Variants in CPEB3 observed in about 807,000 individuals in gnomAD.
The protein encoded by CPEB3 is cytoplasmic polyadenylation element binding protein 3, also known as cytoplasmic polyadenylation element-binding protein 3.
A neutral mutation model predicts 67.2 loss-of-function variants in CPEB3; 20 were observed. The ratio of observed to expected loss-of-function variants is 0.30; its 90% CI spans 0.21 to 0.43. The LOEUF is 0.43. Ranked by LOEUF, CPEB3 falls within the 20% of genes least tolerant of loss-of-function variation. CPEB3 has a pLI of 1.00. For missense variants in CPEB3, 746 were observed against 968.6 expected (o/e 0.77, Z 3.05); for synonymous variants, 376 against 393.1 (o/e 0.96, Z 0.51).
In CPEB3 at chr10:92,119,185, C is replaced by T. The variant is rs1406882771; in HGVS notation, c.1454-7991G>A. On this transcript the variant is annotated intron_variant, in intron 6 of 9. Coordinates refer to ENST00000265997, the MANE Select transcript of CPEB3 (RefSeq NM_014912.5). ...TATGAAGAACGGAGGTTCCCAGCAT[C>T]ATATTCCTACACATTATTACATTCA... is the stretch of plus-strand genomic sequence containing the variant. 7 of 1,582,320 alleles carry T rather than the reference C, an allele frequency of 4.4e-6. No individual in the cohort carries two copies. The African/African-American group carries it at 8.1e-5, about 18-fold the overall frequency.
intron 1 of CPEB3, among the ~76,000 whole-genome samples, chr10:92,290,044 A>G (rs907249631): frequency 4.6e-5 from 7 of 151,646 alleles, no homozygotes; most frequent in African/African-American, 1.7e-4. Flanking sequence ...ACTCTAGTTC[A>G]AATATACTTC....
intron 1 of CPEB3, among the ~76,000 whole-genome samples, chr10:92,284,735 G>A (rs184415264): frequency 6.6e-6 from 1 of 152,132 alleles, no homozygotes; most frequent in Non-Finnish European, 1.5e-5. Context: ...TTATTTATGT[G>A]ATAATCCTTC....
chr10:92,102,874 G>T (rs1431592107), intron 7 of CPEB3, among the ~76,000 whole-genome samples: 1 of 152,094 alleles, frequency 6.6e-6, no homozygotes, highest in Non-Finnish European at 1.5e-5. Flanking sequence ...GAGCATCTGT[G>T]GCTCCTTAGG....
At chr10:92,072,280 T>A (rs774725146) in intron 9 of CPEB3, among the ~76,000 whole-genome samples, 24 of 152,208 alleles carry the variant, frequency 1.6e-4, no homozygotes, top group Non-Finnish European at 3.2e-4. Flanking sequence ...TATGTTAACC[T>A]TTTTTAAAGT....
chr10:92,250,711 A>C (rs1390501895), intron 1 of CPEB3, among the ~76,000 whole-genome samples: 2 of 151,786 alleles, frequency 1.3e-5, no homozygotes, highest in East Asian at 3.9e-4. Flanking sequence ...TTGTTTTGAG[A>C]CAGAGTCTCA....
chr10:92,238,631 A>AC (rs1012091143), intron 2 of CPEB3, among the ~76,000 whole-genome samples: 1 of 152,098 alleles, frequency 6.6e-6, no homozygotes, highest in African/African-American at 2.4e-5. Flanking sequence ...CCTCCGAAAA[A>AC]AAAAAAAAAA....
chr10:92,215,692 C>G (rs999167433), intron 2 of CPEB3, among the ~76,000 whole-genome samples: 14 of 150,016 alleles, frequency 9.3e-5, no homozygotes, highest in Non-Finnish European at 1.8e-4. Context: ...CTGTCTGCCT[C>G]GGTCTCCCAA....
chr10:92,144,078 T>C (rs530249647), intron 5 of CPEB3, among the ~76,000 whole-genome samples: 1 of 151,948 alleles, frequency 6.6e-6, no homozygotes, highest in African/African-American at 2.4e-5. Flanking sequence ...TTTGTCACAA[T>C]TTTATTTCAT....
At chr10:92,198,628 C>G (rs1390119791) in intron 2 of CPEB3, among the ~76,000 whole-genome samples, 1 of 152,188 alleles carries the variant, frequency 6.6e-6, no homozygotes, top group African/African-American at 2.4e-5. Flanking sequence ...GCTCTGGAAC[C>G]AAATGATAAA....
chr10:92,275,840 C>CTTTTTTTTTTTTTTTTTTT (rs982965337), intron 1 of CPEB3, among the ~76,000 whole-genome samples: 1 of 130,710 alleles, frequency 7.7e-6, no homozygotes, highest in Non-Finnish European at 1.7e-5. Context: ...GTACTTCATT[C>CTTTTTTTTTTTTTTTTTTT]TTTTCTTTTT....
At chr10:92,290,255 C>G (rs1000809144) in intron 1 of CPEB3, among the ~76,000 whole-genome samples, 3 of 152,120 alleles carry the variant, frequency 2.0e-5, no homozygotes, top group Non-Finnish European at 1.5e-5. Context: ...TTCGTTTGAG[C>G]CGACAGCTCT....
At chr10:92,247,429 C>T (rs1159446311) in intron 1 of CPEB3, among the ~76,000 whole-genome samples, 1 of 151,806 alleles carries the variant, frequency 6.6e-6, no homozygotes, top group Non-Finnish European at 1.5e-5. Flanking sequence ...TGGAGTTTCA[C>T]TCTTGTTGCC....
chr10:92,185,538 T>A (rs527994988), intron 3 of CPEB3, among the ~76,000 whole-genome samples: 18 of 152,354 alleles, frequency 1.2e-4, no homozygotes, highest in African/African-American at 4.3e-4. Flanking sequence ...CTCATGCTTT[T>A]ATGAGTTCAA....
chr10:92,098,770 C>CTTTTTTTTTTTTTTTTTTT (rs984013045), intron 7 of CPEB3, among the ~76,000 whole-genome samples: 1 of 124,554 alleles, frequency 8.0e-6, no homozygotes, highest in Non-Finnish European at 1.7e-5. Flanking sequence ...TTCTTTTTTT[C>CTTTTTTTTTTTTTTTTTTT]TTTTTTTTTT....
rs1326151868 is a variant in CPEB3 at position 92,050,127 on chromosome 10, A to G, written c.*2085T>C. 1 of 152,472 alleles carries G rather than the reference A, an allele frequency of 6.6e-6. No homozygotes were observed. The highest frequency in any genetic ancestry group is 1.5e-5 in the Non-Finnish European group (1 of 68,022). 9.4% of individuals were successfully genotyped at this position (152,472 alleles called of 1,614,324 possible). A position where few individuals can be genotyped will look rare whatever the true frequency, so the allele number is the denominator to read the frequency against. On this transcript the variant is annotated 3_prime_UTR_variant, in exon 10 of 10. Coordinates refer to ENST00000265997, the MANE Select transcript of CPEB3 (RefSeq NM_014912.5). ...TCTAGAATACAAAAAGTAGTAGTGC[A>G]TAACAAAATTTCTTGTACAGATGAA...
At chr10:92,160,834 GGCA>G (rs1160262406) in intron 4 of CPEB3, among the ~76,000 whole-genome samples, 1 of 152,140 alleles carries the variant, frequency 6.6e-6, no homozygotes, top group Non-Finnish European at 1.5e-5. Context: ...AGGGGTGGAG[GGCA>G]GCATGTTGAA....
intron 2 of CPEB3, among the ~76,000 whole-genome samples, chr10:92,227,125 C>A (rs897750501): frequency 6.6e-6 from 1 of 152,094 alleles, no homozygotes; most frequent in African/African-American, 2.4e-5. Flanking sequence ...TTGTGAGATT[C>A]CAAAACAAAA....
At chr10:92,137,022 C>G (rs1449949890) in intron 6 of CPEB3, 1 of 229,044 alleles carries the variant, frequency 4.4e-6, no homozygotes, top group Non-Finnish European at 9.3e-6. Context: ...AAGTCCTCTG[C>G]CATCCAGCAG....
intron 1 of CPEB3, among the ~76,000 whole-genome samples, chr10:92,258,691 G>A (rs962972537): frequency 1.7e-5 from 2 of 116,604 alleles, no homozygotes; most frequent in Non-Finnish European, 3.3e-5. Context: ...TCATGTATTT[G>A]TGTTCATCTT....
Sources: gnomAD v4.1 joint callset for allele counts (sites outside exome capture counted in the v4.1 genomes callset) on GRCh38, gnomAD v4.1.1 for gene constraint, MANE v1.5 for transcripts, NCBI Gene and HGNC (gene_info 2026-07-23, HGNC 2026-07-21) for gene names.